Variants in KCNMA1 observed in about 807,000 individuals in gnomAD.
KCNMA1 encodes potassium calcium-activated channel subfamily M alpha 1, also known as Calcium-activated potassium channel subunit alpha-1.
KCNMA1 carries 29 observed loss-of-function variants against 140.0 expected under a neutral mutation model. That is an observed-to-expected ratio of 0.21 (90% CI 0.15 to 0.28). KCNMA1 has a LOEUF of 0.28. KCNMA1 is among the 10% of genes least tolerant of loss of function. The pLI is 1.00. For missense variants in KCNMA1, 880 were observed against 1,602.2 expected, an observed-to-expected ratio of 0.55 and a Z score of 7.70; for synonymous variants, 612 against 611.9, an observed-to-expected ratio of 1.00 and a Z score of 0.00.
chr10:77,451,516 C>A (rs538530638), intron 1 of KCNMA1, among the ~76,000 whole-genome samples: 4 of 152,180 alleles, frequency 2.6e-5, no homozygotes, highest in Non-Finnish European at 4.4e-5. Context: ...AGAGCCCGAA[C>A]TACAGAGGTA....
At chr10:77,185,598 A>ATTTT (rs398046317) in intron 3 of KCNMA1, among the ~76,000 whole-genome samples, 2 of 144,638 alleles carry the variant, frequency 1.4e-5, no homozygotes, top group East Asian at 2.0e-4. Context: ...CTAAGGGTTA[A>ATTTT]TTTTTTTTTT....
At chr10:76,963,631 GAACTCGA>G (rs1202671371) in intron 20 of KCNMA1, among the ~76,000 whole-genome samples, 1 of 152,142 alleles carries the variant, frequency 6.6e-6, no homozygotes, top group Non-Finnish European at 1.5e-5. Flanking sequence ...TGACTCTGTG[GAACTCGA>G]GGCATTGTGT....
intron 2 of KCNMA1, among the ~76,000 whole-genome samples, chr10:77,301,721 A>C (rs1293476858): frequency 6.6e-6 from 1 of 151,768 alleles, no homozygotes; most frequent in East Asian, 1.9e-4. Context: ...GGGTAAGCAT[A>C]CATTTCCACA....
intron 3 of KCNMA1, among the ~76,000 whole-genome samples, chr10:77,225,634 G>A (rs749667297): frequency 2.4e-4 from 37 of 152,160 alleles, no homozygotes; most frequent in Non-Finnish European, 4.7e-4. Context: ...AAACTCCTGC[G>A]GCTGTCGTAG....
chr10:77,233,895 G>A (rs1242876377), intron 3 of KCNMA1, among the ~76,000 whole-genome samples: 1 of 152,036 alleles, frequency 6.6e-6, no homozygotes, highest in Non-Finnish European at 1.5e-5. Flanking sequence ...AGTCCACCAG[G>A]GATCATGGCA....
At chr10:77,618,201 G>A (rs1249196208) in intron 1 of KCNMA1, among the ~76,000 whole-genome samples, 2 of 152,158 alleles carry the variant, frequency 1.3e-5, no homozygotes, top group Non-Finnish European at 2.9e-5. Context: ...TGTCTGAAGT[G>A]TGTCTTCACT....
rs1248442431 is a variant in KCNMA1 at position 76,885,883 on chromosome 10, TG to T, written c.*1382del. On this transcript the variant is annotated 3_prime_UTR_variant, in exon 28 of 28. Coordinates refer to ENST00000286628, the MANE Select transcript of KCNMA1 (RefSeq NM_001161352.2). ...AGAAAAAAATAACTATACCAAAATG[TG>T]TTTGGCTCACTGTTGCACTCTTCTT... The T allele has an allele frequency of 2.0e-6, 2 of 985,142 alleles. No homozygotes were observed. Among genetic ancestry groups the T allele is most frequent in the African/African-American group, 3.5e-5 (2 of 57,232 alleles). 61.0% of individuals were successfully genotyped at this position (985,142 alleles called of 1,614,324 possible). A position where few individuals can be genotyped will look rare whatever the true frequency, so the allele number is the denominator to read the frequency against.
At chr10:77,286,844 T>A (rs189177834) in intron 2 of KCNMA1, among the ~76,000 whole-genome samples, 2 of 151,540 alleles carry the variant, frequency 1.3e-5, no homozygotes, top group African/African-American at 4.8e-5. Context: ...GTTGAGTTTC[T>A]AAGCTGATAG....
chr10:77,251,312 GT>G, intron 2 of KCNMA1, 56 bp from the exon 3 acceptor site: 1 of 1,401,124 alleles, frequency 7.1e-7, no homozygotes, highest in Non-Finnish European at 1.0e-6. Flanking sequence ...GGATGTTTGG[GT>G]TTTTTGACAC....
intron 14 of KCNMA1, among the ~76,000 whole-genome samples, chr10:77,049,879 G>A (rs1477516383): frequency 6.6e-6 from 1 of 152,184 alleles, no homozygotes; most frequent in African/African-American, 2.4e-5. Context: ...TATTTTCTGG[G>A]AAATTTTTCA....
intron 5 of KCNMA1, among the ~76,000 whole-genome samples, chr10:77,176,247 T>C (rs964401800): frequency 1.3e-5 from 2 of 152,164 alleles, no homozygotes; most frequent in Non-Finnish European, 2.9e-5. Context: ...CCACAACTCT[T>C]TGGTCTCATT....
chr10:77,339,782 G>A (rs750217450), intron 2 of KCNMA1, among the ~76,000 whole-genome samples: 5 of 152,224 alleles, frequency 3.3e-5, no homozygotes, highest in Non-Finnish European at 5.9e-5. Flanking sequence ...AGGTGGCCAC[G>A]CCACATATTC....
intron 27 of KCNMA1, among the ~76,000 whole-genome samples, chr10:76,888,543 C>T (rs557451493): frequency 4.1e-4 from 63 of 152,246 alleles, no homozygotes; most frequent in South Asian, 1.2e-3. Flanking sequence ...GTATATTATG[C>T]AAACTCACTG....
At chr10:77,222,309 T>G (rs1225952926) in intron 3 of KCNMA1, among the ~76,000 whole-genome samples, 1 of 152,206 alleles carries the variant, frequency 6.6e-6, no homozygotes, top group African/African-American at 2.4e-5. Context: ...ATAAACCTTT[T>G]TATAGATCTT....
intron 2 of KCNMA1, among the ~76,000 whole-genome samples, chr10:77,272,429 T>G (rs539881542): frequency 6.6e-6 from 1 of 152,196 alleles, no homozygotes; most frequent in Non-Finnish European, 1.5e-5. Context: ...TTAACTATTT[T>G]TGTGTATATG....
At chr10:77,158,756 T>C (rs2098520176) in intron 5 of KCNMA1, among the ~76,000 whole-genome samples, 1 of 152,174 alleles carries the variant, frequency 6.6e-6, no homozygotes, top group South Asian at 2.1e-4. Context: ...AGGTCAAGCT[T>C]CGGTAGTTGC....
At chr10:76,903,802 G>A (rs765434545) in intron 25 of KCNMA1, 1 of 152,156 alleles carries the variant, frequency 6.6e-6, no homozygotes, top group Non-Finnish European at 1.5e-5. Context: ...TAAATCATGT[G>A]AACCCACATT....
chr10:77,500,546 T>C (rs150332871), intron 1 of KCNMA1, among the ~76,000 whole-genome samples: 6 of 151,990 alleles, frequency 3.9e-5, no homozygotes, highest in African/African-American at 1.5e-4. Flanking sequence ...TCCAAGCAAG[T>C]GAAATTCAAG....
intron 23 of KCNMA1, among the ~76,000 whole-genome samples, chr10:76,924,642 T>C (rs781068708): frequency 6.6e-5 from 10 of 152,190 alleles, no homozygotes; most frequent in African/African-American, 9.6e-5. Context: ...GAACATCCAC[T>C]TGATTTGGCA....
Sources: gnomAD v4.1 joint callset for allele counts (sites outside exome capture counted in the v4.1 genomes callset) on GRCh38, gnomAD v4.1.1 for gene constraint, MANE v1.5 for transcripts, NCBI Gene and HGNC (gene_info 2026-07-23, HGNC 2026-07-21) for gene names.